MIDEAS: variants seen among roughly 807,000 people sequenced by gnomAD.
MIDEAS encodes mitotic deacetylase-associated SANT domain protein.
Under a neutral mutation model 102.7 loss-of-function variants are expected in MIDEAS, and 26 were observed. The ratio of observed to expected loss-of-function variants is 0.25; its 90% confidence interval spans 0.19 to 0.35. MIDEAS has a LOEUF of 0.35. Ranked by LOEUF, MIDEAS falls within the 10% of genes least tolerant of loss-of-function variation. The pLI is 1.00. For missense variants in MIDEAS, 1,231 were observed against 1,435.6 expected (o/e 0.86, Z 2.30); for synonymous variants, 585 against 591.0 (o/e 0.99, Z 0.15).
chr14:73,722,761 G>A lies in MIDEAS; in HGVS notation c.2661C>T (p.Thr887=), dbSNP rs762036336. 10 of 1,614,040 alleles carry A rather than the reference G, an allele frequency of 6.2e-6. No individual in the cohort carries two copies. The highest frequency in any genetic ancestry group is 5.0e-5 in the Admixed American group (3 of 60,006). The change falls in exon 10 of 13, where the codon ACC becomes ACT. Residue 887 remains threonine (T), a synonymous_variant. Coordinates refer to ENST00000423556, the MANE Select transcript of MIDEAS (RefSeq NM_001367710.1). ...CATCGCTCGTATCCACATCCCCAAA[G>A]GTTAGAGTCCCATTGCGGCCGATTT... ...QVKIGRNGTL[T]FGDVDTSDEK...
chr14:73,741,729 C>G (rs948635128), intron 1 of MIDEAS, among the ~76,000 whole-genome samples: 1 of 152,164 alleles, frequency 6.6e-6, no homozygotes, highest in Admixed American at 6.5e-5. Context: ...TCACTGAGGG[C>G]CCCCTCCCTA....
chr14:73,716,007 G>A lies in MIDEAS; in HGVS notation c.*2836C>T, dbSNP rs1344359377. The A allele has an allele frequency of 1.3e-5, 2 of 152,556 alleles. No individual in the cohort carries two copies. Among genetic ancestry groups the A allele is most frequent in the African/African-American group, 2.4e-5 (1 of 41,572 alleles). The allele number at this position is 152,556 out of a possible 1,614,324, so 9.5% of individuals were successfully genotyped here. A position where few individuals can be genotyped will look rare whatever the true frequency, so the allele number is the denominator to read the frequency against. On this transcript the variant is annotated 3_prime_UTR_variant, in exon 13 of 13. Transcript: ENST00000423556. ...GTCAGTTTCCCGCCCTTAGCTGAAT[G>A]CAGATGGATGCTGGGAGATGGATAT...
Position 73,719,430 on chromosome 14 carries a change from C to T in MIDEAS, c.3009G>A (p.Glu1003=), listed in dbSNP as rs2052952049. 1 of 1,614,108 alleles carries T rather than the reference C, an allele frequency of 6.2e-7. No homozygotes were observed. Among genetic ancestry groups the T allele is most frequent in the East Asian group, 2.2e-5 (1 of 44,866 alleles). Reference sequence around the variant, plus strand: ...ACTTCCCTGTCCCTTCCCTTGGCTTCTCCGAGGCCTGGCCACCGGCAGACC... The same window carrying T: ...ACTTCCCTGTCCCTTCCCTTGGCTTTTCCGAGGCCTGGCCACCGGCAGACC... ...APGSAGGQAS[E]KPREGTGKSR... Residue 1003 remains glutamate, a synonymous_variant, in exon 12 of 13, where the codon GAG becomes GAA. Transcript: ENST00000423556.
chr14:73,785,487 C>A (rs892747605), intron 1 of MIDEAS, among the ~76,000 whole-genome samples: 1 of 152,184 alleles, frequency 6.6e-6, no homozygotes, highest in Admixed American at 6.5e-5. Context: ...CTACCACTTG[C>A]ACGTTTCCTC....
At chr14:73,779,024 C>A (rs8004883) in intron 1 of MIDEAS, among the ~76,000 whole-genome samples, 78,485 of 151,562 alleles carry the variant, frequency 0.52, 21,835 homozygotes, top group East Asian at 0.83. Context: ...CAAAGGAAGA[C>A]AGGAGGAAGG....
In MIDEAS at chr14:73,725,135, A is replaced by G; in HGVS notation, c.2574+137T>C. On this transcript the variant is annotated intron_variant, in intron 9 of 12. Coordinates refer to ENST00000423556, the MANE Select transcript of MIDEAS (RefSeq NM_001367710.1). This position sits in a 1 kb window ranked among gnomAD's most constrained non-coding sequence, Gnocchi z 4.1. Reference sequence around the variant, plus strand: ...TATCTTTCTCTTTCTTGTATTGTTTAGGAAATTCTCTCTGAGGCTACTCAG... The same window carrying G: ...TATCTTTCTCTTTCTTGTATTGTTTGGGAAATTCTCTCTGAGGCTACTCAG... The G allele has an allele frequency of 1.4e-6, 1 of 694,026 alleles. No homozygotes were observed. The highest frequency in any genetic ancestry group is 2.6e-6 in the Non-Finnish European group (1 of 382,116). 43.0% of individuals were successfully genotyped at this position (694,026 alleles called of 1,614,324 possible). A position where few individuals can be genotyped will look rare whatever the true frequency, so the allele number is the denominator to read the frequency against.
At position 73,759,412 on chromosome 14, in the gene MIDEAS, A is replaced by G. The variant is rs1037383416; in HGVS notation, c.-248+351T>C. ...AGCCGCCGCGGGCCGCCGGGTGGGGAGGGCTTTCCTGGCGGGGCCGCGCCC... is the reference window on the plus strand; with the variant it reads ...AGCCGCCGCGGGCCGCCGGGTGGGGGGGGCTTTCCTGGCGGGGCCGCGCCC... On this transcript the variant is annotated intron_variant, in intron 1 of 12. Transcript: ENST00000423556. This position sits in a 1 kb window ranked among gnomAD's most constrained non-coding sequence, Gnocchi z 6.7. Among the ~76,000 whole-genome samples the G allele has an allele frequency of 3.0e-4, 45 of 149,702 alleles. No homozygotes were observed. The highest frequency in any genetic ancestry group is 1.0e-3 in the African/African-American group (42 of 40,684).
rs1266699592 is a variant in MIDEAS, at chr14:73,740,027, C to CT, written c.-20dup. 1.4e-6 allele frequency: 2 copies of CT among 1,469,636 alleles called. No individual in the cohort carries two copies. Among genetic ancestry groups the CT allele is most frequent in the African/African-American group, 2.8e-5 (2 of 70,498 alleles). The allele number at this position is 1,469,636 out of a possible 1,614,324, so 91.0% of individuals were successfully genotyped here. Reference sequence around the variant, plus strand: ...GGTTCATGATGTGGCCAACTGAGCCCTGGCGGTGAGATCCCCTTCAACAGT... The same window carrying CT: ...GGTTCATGATGTGGCCAACTGAGCCCTTGGCGGTGAGATCCCCTTCAACAGT... On this transcript the variant is annotated 5_prime_UTR_variant, in exon 2 of 13. Coordinates refer to ENST00000423556, the MANE Select transcript of MIDEAS (RefSeq NM_001367710.1).
intron 3 of MIDEAS, among the ~76,000 whole-genome samples, chr14:73,736,774 T>C (rs2053205614): frequency 6.6e-6 from 1 of 152,100 alleles, no homozygotes. Context: ...TTCTAGGCAG[T>C]TTCAATTTCA....
chr14:73,776,956 A>T (rs1347194330), intron 1 of MIDEAS, among the ~76,000 whole-genome samples: 1 of 151,930 alleles, frequency 6.6e-6, no homozygotes, highest in South Asian at 2.1e-4. Context: ...CTGTAGTCCC[A>T]GCTACTCGGG....
upstream of MIDEAS, among the ~76,000 whole-genome samples, chr14:73,761,484 G>A (rs2053554092): frequency 6.6e-6 from 1 of 152,124 alleles, no homozygotes; most frequent in African/African-American, 2.4e-5. Context: ...TCCCCAAGAG[G>A]AGAAGGGCTT....
intron 2 of MIDEAS, 57 bp from the exon 3 acceptor site, chr14:73,737,354 T>C: frequency 6.5e-7 from 1 of 1,534,686 alleles, no homozygotes; most frequent in Non-Finnish European, 8.8e-7. Flanking sequence ...CCAGGCGCAG[T>C]GGCTCACGCC....
At chr14:73,776,150 G>A (rs2053685986) in intron 1 of MIDEAS, among the ~76,000 whole-genome samples, 1 of 151,966 alleles carries the variant, frequency 6.6e-6, no homozygotes, top group South Asian at 2.1e-4. Context: ...ACTGCCTGTT[G>A]GAGAGAGCCA....
intron 1 of MIDEAS, among the ~76,000 whole-genome samples, chr14:73,743,484 G>A (rs1454959065): frequency 1.3e-5 from 2 of 152,010 alleles, no homozygotes; most frequent in Non-Finnish European, 2.9e-5. Context: ...ACCCCACCCC[G>A]GGCTCAGTTG....
At chr14:73,783,233 T>C (rs1041708287) in intron 1 of MIDEAS, among the ~76,000 whole-genome samples, 2 of 152,044 alleles carry the variant, frequency 1.3e-5, no homozygotes, top group Non-Finnish European at 2.9e-5. Context: ...CCCAGGGTGA[T>C]GTTGCTGGAG....
chr14:73,788,823 C>T (rs1041847544), upstream of MIDEAS: 1 of 152,250 alleles, frequency 6.6e-6, no homozygotes. Flanking sequence ...ATATGTTAGC[C>T]AGGCTTCTAA....
chr14:73,727,220 C>G (rs894181874), intron 5 of MIDEAS: 16 of 623,786 alleles, frequency 2.6e-5, no homozygotes, highest in African/African-American at 1.3e-4. Context: ...TCTGGACCCC[C>G]CTTTCAACTC....
chr14:73,765,185 AG>A (rs769787829), upstream of MIDEAS, among the ~76,000 whole-genome samples: 14 of 152,386 alleles, frequency 9.2e-5, no homozygotes, highest in Middle Eastern at 3.4e-3. Flanking sequence ...CAAGAGGAAC[AG>A]GAACTCCAGA....
rs752957541 is a variant in MIDEAS at position 73,739,222 on chromosome 14, CCTG to C, written c.784_786del (p.Gln262del). ...AAGAGCGGCATCTGGGGTAGGGCTG[CCTG>C]CTGCTGCTGCTGCTGCTGCTGTGGT... On this transcript the variant is annotated inframe_deletion, in exon 2 of 13. Transcript: ENST00000423556. 8.9e-4 allele frequency: 1,324 copies of C among 1,486,288 alleles called. No individual in the cohort carries two copies. The highest frequency in any genetic ancestry group is 2.4e-3 in the Admixed American group (123 of 52,198). The allele number at this position is 1,486,288 out of a possible 1,614,324, so 92.1% of individuals were successfully genotyped here.
Sources: gnomAD v4.1 joint callset for allele counts (sites outside exome capture counted in the v4.1 genomes callset) on GRCh38, gnomAD v4.1.1 for gene constraint, Gnocchi (gnomAD v3.1) non-coding constraint, MANE v1.5 for transcripts, NCBI Gene and HGNC (gene_info 2026-07-23, HGNC 2026-07-21) for gene names.